CCDC59: variants seen among roughly 807,000 people sequenced by gnomAD.
CCDC59 encodes the protein coiled-coil domain containing 59.
Under a neutral mutation model 30.5 loss-of-function variants are expected in CCDC59, and 27 were observed. The observed-to-expected ratio is 0.89, with a 90% CI of 0.65 to 1.22. CCDC59 has a LOEUF of 1.22. Ranked by LOEUF, CCDC59 falls within the 50% of genes most tolerant of loss-of-function variation. The pLI, the probability that CCDC59 is intolerant of heterozygous loss-of-function variation, is 0.00. For synonymous variants in CCDC59, 125 were observed against 100.9 expected (o/e 1.24, Z -1.43); for missense variants, 362 against 284.4 (o/e 1.27, Z -1.96).
At chr12:82,357,561 A>G (rs1434675578) in intron 1 of CCDC59, among the ~76,000 whole-genome samples, 1 of 152,226 alleles carries the variant, frequency 6.6e-6, no homozygotes, top group African/African-American at 2.4e-5. Context: ...AGCTGTATTC[A>G]CAAATCAAAA....
intron 3 of CCDC59, 87 bp downstream of exon 3, chr12:82,354,408 C>T: frequency 1.0e-6 from 1 of 980,872 alleles, no homozygotes; most frequent in Non-Finnish European, 1.4e-6. Context: ...TACTGTGTGC[C>T]CAGCACCAAG....
chr12:82,358,633 T>G (rs370102925), upstream of CCDC59: 1 of 1,613,986 alleles, frequency 6.2e-7, no homozygotes, highest in Non-Finnish European at 8.5e-7. Flanking sequence ...TTGCAGGGAC[T>G]GCTGCAGTTC....
rs572477012 is a variant in CCDC59 at position 82,354,642 on chromosome 12, A to G, written c.465-48T>C. The stretch of plus-strand genomic sequence containing the variant: ...ACAGGACTTTATTAGTAAAATGTCC[A>G]AAAAGGTATTAAAAACACAGTTGTA... On this transcript the variant is annotated intron_variant, in intron 2 of 3. Transcript: ENST00000256151. 2.7e-6 allele frequency: 4 copies of G among 1,505,720 alleles called. No homozygotes were observed. The African/African-American group carries it at 5.6e-5, about 21-fold the overall frequency. 93.3% of individuals were successfully genotyped at this position (1,505,720 alleles called of 1,614,324 possible). A position where few individuals can be genotyped will look rare whatever the true frequency, so the allele number is the denominator to read the frequency against.
At chr12:82,357,890 C>T (rs1281476884) in intron 1 of CCDC59, among the ~76,000 whole-genome samples, 1 of 152,210 alleles carries the variant, frequency 6.6e-6, no homozygotes, top group Non-Finnish European at 1.5e-5. Flanking sequence ...GTTTCTGGCC[C>T]TGTCCTCCTC....
intron 1 of CCDC59, among the ~76,000 whole-genome samples, chr12:82,357,952 C>A (rs535595765): frequency 4.6e-5 from 7 of 152,284 alleles, no homozygotes; most frequent in African/African-American, 1.7e-4. Flanking sequence ...CATAGACTCT[C>A]TCTGCTCAGT....
Position 82,358,383 on chromosome 12 carries a change from C to T in CCDC59, c.-7G>A. ...ACCGCCTCACCGGCGCCATTGCAGC[C>T]GACTAACTGCGTCATCAGAAGACCA... On this transcript the variant is annotated 5_prime_UTR_variant, in exon 1 of 4. Transcript: ENST00000256151. The T allele has an allele frequency of 6.2e-7, 1 of 1,612,798 alleles. No homozygotes were observed. The highest frequency in any genetic ancestry group is 8.5e-7 in the Non-Finnish European group (1 of 1,180,032).
chr12:82,353,768 G>A (rs1880903798), intron 3 of CCDC59, among the ~76,000 whole-genome samples: 1 of 152,052 alleles, frequency 6.6e-6, no homozygotes, highest in South Asian at 2.1e-4. Flanking sequence ...CTTAATTACA[G>A]ATATTCTAAA....
At chr12:82,358,127 G>T in intron 1 of CCDC59, 96 bp downstream of exon 1, 1 of 1,415,348 alleles carries the variant, frequency 7.1e-7, no homozygotes, top group Non-Finnish European at 9.8e-7. Context: ...GTAGGACCGG[G>T]TCTGGTTCCT....
chr12:82,358,700 C>T (rs771341857), upstream of CCDC59: 6 of 1,614,190 alleles, frequency 3.7e-6, no homozygotes, highest in South Asian at 4.4e-5. Flanking sequence ...ACACAGAATC[C>T]GTGTGGGAGG....
Position 82,353,260 on chromosome 12 carries a change from T to C in CCDC59, c.617A>G (p.Lys206Arg), listed in dbSNP as rs756571735. The change falls in exon 4 of 4, where the codon AAG (lysine) becomes AGG (arginine). Residue 206 changes from lysine (K) to arginine (R), a missense_variant. By Grantham distance (26) the Lys-to-Arg change is conservative (BLOSUM62 2). Coordinates refer to ENST00000256151, the MANE Select transcript of CCDC59 (RefSeq NM_014167.5). ...EREEAQRQYK[K>R]KKMEVFKILN... ...TATTTTAAACACTTCCATTTTCTTC[T>C]TTTTGTACTGCCTTTGGGCTTCTTC... 40 of 1,612,956 alleles carry C rather than the reference T, an allele frequency of 2.5e-5. No homozygotes were observed. The highest frequency in any genetic ancestry group is 5.5e-5 in the South Asian group (5 of 90,894).
chr12:82,358,650 G>T, upstream of CCDC59: 1 of 1,614,154 alleles, frequency 6.2e-7, no homozygotes, highest in Non-Finnish European at 8.5e-7. Context: ...GTTCCTGAGG[G>T]ATGCCCTGTC....
At chr12:82,354,619 A>G (rs1565784380) in intron 2 of CCDC59, 25 bp from the exon 3 acceptor site, 1 of 1,545,570 alleles carries the variant, frequency 6.5e-7, no homozygotes, top group Non-Finnish European at 8.7e-7. Flanking sequence ...ATGAGGAAAC[A>G]GGACTTTATT....
intron 1 of CCDC59, 64 bp from the exon 2 acceptor site, chr12:82,357,333 T>A: frequency 7.4e-7 from 1 of 1,359,732 alleles, no homozygotes; most frequent in Non-Finnish European, 1.0e-6. Context: ...AGAATGGAGC[T>A]GTTAATTACA....
In CCDC59 at chr12:82,357,130, T is replaced by G. The variant is rs1197742835; in HGVS notation, c.294A>C (p.Leu98Phe). ...GCTTCCTATGTCTTTCCTCTTCAGC[T>G]AAATAGAGATGTTTCAGATTATCTG... ...RYPDNLKHLY[L>F]AEEERHRKQA... is the part of the protein sequence containing the mutation. The change falls in exon 2 of 4, where the codon TTA becomes TTC. Residue 98 changes from leucine (L) to phenylalanine (F), a missense_variant. Leu to Phe is a conservative substitution (Grantham distance 22). Transcript: ENST00000256151. 1 of 1,614,200 alleles carries G rather than the reference T, an allele frequency of 6.2e-7. No homozygotes were observed. The highest frequency in any genetic ancestry group is 8.5e-7 in the Non-Finnish European group (1 of 1,180,032).
chr12:82,356,431 T>C (rs1881012299), intron 2 of CCDC59, among the ~76,000 whole-genome samples: 1 of 152,212 alleles, frequency 6.6e-6, no homozygotes, highest in Non-Finnish European at 1.5e-5. Flanking sequence ...AACAATGTCA[T>C]GAAACACCTT....
At chr12:82,358,583 T>C (rs1015275003), upstream of CCDC59, 1 of 1,611,926 alleles carries the variant, frequency 6.2e-7, no homozygotes, top group Non-Finnish European at 8.5e-7. Flanking sequence ...CTTCTTGCCC[T>C]CTCCCGGTGA....
Position 82,357,232 on chromosome 12 carries a change from C to A in CCDC59, c.192G>T (p.Gln64His), listed in dbSNP as rs752684922. Reference sequence around the variant, plus strand: ...TCCGTAGCAATTTCTTGTAACTTTGCTGTATTTTCAGTTTTCTTCGAAAAG... The same window carrying A: ...TCCGTAGCAATTTCTTGTAACTTTGATGTATTTTCAGTTTTCTTCGAAAAG... ...GFAFRRKLKI[Q>H]QSYKKLLRKE... The change falls in exon 2 of 4, where the codon CAG becomes CAT. Residue 64 changes from glutamine to histidine, a missense_variant. Transcript: ENST00000256151. 2.5e-6 allele frequency: 4 copies of A among 1,613,820 alleles called. No homozygotes were observed. The highest frequency in any genetic ancestry group is 3.3e-5 in the Admixed American group (2 of 59,964).
At chr12:82,358,179 C>A (rs535564580) in intron 1 of CCDC59, 44 bp downstream of exon 1, 1 of 1,611,902 alleles carries the variant, frequency 6.2e-7, no homozygotes, top group South Asian at 1.1e-5. Context: ...TATCCTAAAA[C>A]TTAGCAAGCC....
intron 1 of CCDC59, among the ~76,000 whole-genome samples, chr12:82,358,005 G>C (rs576322413): frequency 3.9e-5 from 6 of 152,286 alleles, no homozygotes; most frequent in Non-Finnish European, 8.8e-5. Context: ...TGAAATACAG[G>C]GTTACGTCAG....
Sources: allele counts gnomAD v4.1 joint callset (sites outside exome capture counted in the v4.1 genomes callset), GRCh38; gene constraint gnomAD v4.1.1; transcripts MANE v1.5; gene names NCBI Gene and HGNC (gene_info 2026-07-23, HGNC 2026-07-21).